Variants in CDH7 observed in about 807,000 individuals in gnomAD.
CDH7 encodes the protein cadherin 7, also known as cadherin-7.
Under a neutral mutation model 71.8 loss-of-function variants are expected in CDH7, and 25 were observed. That is an observed-to-expected ratio of 0.35 (90% CI 0.25 to 0.49). The LOEUF is 0.49. Among genes scored for constraint, CDH7 ranks in the 20% least tolerant of loss-of-function variants. The probability of loss-of-function intolerance (pLI) is 0.99; values close to 1 mark genes in which losing one functional copy is unlikely to be tolerated. For synonymous variants in CDH7, 381 were observed against 363.8 expected, an observed-to-expected ratio of 1.05 and a Z score of -0.54; for missense variants, 862 against 974.6, an observed-to-expected ratio of 0.88 and a Z score of 1.54.
intron 7 of CDH7, among the ~76,000 whole-genome samples, chr18:65,845,089 T>C (rs1912889445): frequency 6.6e-6 from 1 of 151,878 alleles, no homozygotes; most frequent in Non-Finnish European, 1.5e-5. Context: ...TTATTGATTT[T>C]AAAAAGCCGA....
At chr18:65,805,311 G>A (rs1293682183) in intron 2 of CDH7, among the ~76,000 whole-genome samples, 1 of 152,204 alleles carries the variant, frequency 6.6e-6, no homozygotes, top group African/African-American at 2.4e-5. Context: ...GAGTGGGTGT[G>A]TTGGGAAGCA....
At position 65,880,911 on chromosome 18, in the gene CDH7, C is replaced by T. The variant is rs199696123; in HGVS notation, c.*17C>T. ...TACTCATAGCCTTGGAACCTTAATT[C>T]GAAATGTACTGAAGAAAAAGTAACA... On this transcript the variant is annotated 3_prime_UTR_variant, in exon 12 of 12. Coordinates refer to ENST00000397968, the MANE Select transcript of CDH7 (RefSeq NM_004361.5). 3 of 1,554,016 alleles carry T rather than the reference C, an allele frequency of 1.9e-6. No individual in the cohort carries two copies. The highest frequency in any genetic ancestry group is 1.7e-6 in the Non-Finnish European group (2 of 1,152,442).
At chr18:65,875,829 T>C (rs1914057921) in intron 11 of CDH7, among the ~76,000 whole-genome samples, 1 of 152,084 alleles carries the variant, frequency 6.6e-6, no homozygotes, top group Non-Finnish European at 1.5e-5. Flanking sequence ...TTGGGAGTGC[T>C]GAGGCAGGAA....
At chr18:65,857,364 A>T (rs2877949) in intron 7 of CDH7, among the ~76,000 whole-genome samples, 41 of 129,334 alleles carry the variant, frequency 3.2e-4, no homozygotes, top group South Asian at 2.4e-3. Context: ...ATAATAATAA[A>T]ATAGCCAAAT....
chr18:65,819,625 C>T (rs991168095), intron 4 of CDH7, among the ~76,000 whole-genome samples: 2 of 152,050 alleles, frequency 1.3e-5, no homozygotes, highest in East Asian at 1.9e-4. Flanking sequence ...GAGTGAGGAT[C>T]GTGAAGGGCT....
intron 11 of CDH7, among the ~76,000 whole-genome samples, chr18:65,865,050 G>T (rs1270272110): frequency 6.6e-6 from 1 of 152,038 alleles, no homozygotes; most frequent in Non-Finnish European, 1.5e-5. Context: ...TGCCGTAAAG[G>T]AATAAGATTG....
rs148111579 is a variant in CDH7, at chr18:65,824,689, T to C, written c.839T>C (p.Val280Ala). 22 of 1,611,984 alleles carry C rather than the reference T, an allele frequency of 1.4e-5. No homozygotes were observed. In the African/African-American group the frequency reaches 2.1e-4, roughly 16 times the overall value. Residue 280 changes from valine (V) to alanine (A), a missense_variant, in exon 6 of 12, where the codon GTT (valine) becomes GCT (alanine). By Grantham distance (64) the Val-to-Ala change is moderately conservative. Transcript: ENST00000397968. Reference protein sequence around the residue: ...NVPESLPVASVVARIKAADAD... With the variant: ...NVPESLPVASAVARIKAADAD... ...CCAGAGTCATTACCTGTAGCCTCAG[T>C]TGTGGCCAGAATTAAAGCTGCTGAT...
chr18:65,754,361 G>C (rs1250648166), intron 1 of CDH7, among the ~76,000 whole-genome samples: 1 of 152,156 alleles, frequency 6.6e-6, no homozygotes, highest in Non-Finnish European at 1.5e-5. Context: ...GGAGGTTGTG[G>C]TCTGTGGTTG....
intron 11 of CDH7, chr18:65,863,315 G>T: frequency 4.8e-6 from 1 of 206,428 alleles, no homozygotes; most frequent in South Asian, 9.5e-5. Flanking sequence ...TGGGATTACA[G>T]GAGTGAGCCA....
chr18:65,872,652 T>C (rs973588243), intron 11 of CDH7, among the ~76,000 whole-genome samples: 1 of 152,072 alleles, frequency 6.6e-6, no homozygotes, highest in African/African-American at 2.4e-5. Flanking sequence ...TCCCAGCAGT[T>C]TGGGAGGATG....
chr18:65,847,771 C>G (rs1912983091), intron 7 of CDH7, among the ~76,000 whole-genome samples: 1 of 152,068 alleles, frequency 6.6e-6, no homozygotes, highest in South Asian at 2.1e-4. Flanking sequence ...CAGAACATAA[C>G]ACGATTGTGA....
intron 2 of CDH7, among the ~76,000 whole-genome samples, chr18:65,764,173 T>G (rs1364602037): frequency 6.6e-6 from 1 of 152,124 alleles, no homozygotes; most frequent in African/African-American, 2.4e-5. Context: ...TTTCGTTTGA[T>G]CACACCTTAA....
rs9961379 is a variant in CDH7, at chr18:65,882,163, C to G, written c.*1269C>G. On this transcript the variant is annotated 3_prime_UTR_variant, in exon 12 of 12. Coordinates refer to ENST00000397968, the MANE Select transcript of CDH7 (RefSeq NM_004361.5). ...TCTTTAAATTCTGATGCAAATATGT[C>G]CCTCAAGAATTAACCAAGCAATGTA... The G allele has an allele frequency of 6.6e-6, 1 of 151,984 alleles. No individual in the cohort carries two copies. The highest frequency in any genetic ancestry group is 2.4e-5 in the African/African-American group (1 of 41,394). The allele number at this position is 151,984 out of a possible 1,614,324, so 9.4% of individuals were successfully genotyped here. A position where few individuals can be genotyped will look rare whatever the true frequency, so the allele number is the denominator to read the frequency against.
Position 65,880,510 on chromosome 18 carries a change from G to A in CDH7, c.1974G>A (p.Gly658=). ...TTGTGAGATACGATGACGAGGGCGG[G>A]GGAGAGGAGGACACGGAAGCGTTTG... ...ENIVRYDDEG[G]GEEDTEAFDM... is the part of the protein sequence containing the mutation. Residue 658 remains glycine, a synonymous_variant, in exon 12 of 12, where the codon GGG becomes GGA. Coordinates refer to ENST00000397968, the MANE Select transcript of CDH7 (RefSeq NM_004361.5). 1 of 1,612,752 alleles carries A rather than the reference G, an allele frequency of 6.2e-7. No individual in the cohort carries two copies. The highest frequency in any genetic ancestry group is 8.5e-7 in the Non-Finnish European group (1 of 1,179,662).
At chr18:65,877,721 C>G (rs1914112774) in intron 11 of CDH7, among the ~76,000 whole-genome samples, 1 of 152,140 alleles carries the variant, frequency 6.6e-6, no homozygotes, top group South Asian at 2.1e-4. Context: ...AATTTGATTT[C>G]TCACTAAGAA....
chr18:65,845,650 G>A (rs1329100386), intron 7 of CDH7, among the ~76,000 whole-genome samples: 1 of 151,902 alleles, frequency 6.6e-6, no homozygotes, highest in East Asian at 1.9e-4. Flanking sequence ...AGGACAATTT[G>A]GTTTCTGCTT....
At chr18:65,808,160 A>G (rs933203207) in intron 2 of CDH7, among the ~76,000 whole-genome samples, 14 of 152,328 alleles carry the variant, frequency 9.2e-5, no homozygotes, top group Non-Finnish European at 1.3e-4. Flanking sequence ...TGTTCTACCC[A>G]TGTAACAAAC....
chr18:65,794,709 C>T (rs35513532), intron 2 of CDH7, among the ~76,000 whole-genome samples: 32,005 of 151,652 alleles, frequency 0.21, 4,353 homozygotes, highest in Non-Finnish European at 0.31. Context: ...TCATCTCTTC[C>T]GAGAGGAGAT....
intron 7 of CDH7, among the ~76,000 whole-genome samples, chr18:65,854,556 A>T (rs951595253): frequency 6.6e-6 from 1 of 152,164 alleles, no homozygotes; most frequent in Non-Finnish European, 1.5e-5. Flanking sequence ...ACTATTGATA[A>T]TAGAAGCAAG....
Sources: allele counts gnomAD v4.1 joint callset (sites outside exome capture counted in the v4.1 genomes callset), GRCh38; gene constraint gnomAD v4.1.1; transcripts MANE v1.5; gene names NCBI Gene and HGNC (gene_info 2026-07-23, HGNC 2026-07-21).